The following PPA2 variants were observed in gnomAD, a reference collection of about 807,000 sequenced individuals.
PPA2 encodes the protein inorganic pyrophosphatase 2, also known as inorganic pyrophosphatase 2, mitochondrial.
Under a neutral mutation model 49.5 loss-of-function variants are expected in PPA2, and 48 were observed. The observed-to-expected ratio is 0.97, with a 90% CI of 0.77 to 1.23. The LOEUF (loss-of-function observed/expected upper bound fraction) is 1.23. PPA2 is among the 50% of genes most tolerant of loss of function. The pLI, the probability that PPA2 is intolerant of heterozygous loss-of-function variation, is 0.00. For synonymous variants in PPA2, 131 were observed against 139.9 expected, an observed-to-expected ratio of 0.94 and a Z score of 0.45; for missense variants, 429 against 410.1, an observed-to-expected ratio of 1.05 and a Z score of -0.40.
chr4:105,456,209 T>C, intron 2 of PPA2: 2 of 476,598 alleles, frequency 4.2e-6, no homozygotes, highest in Non-Finnish European at 8.3e-6. Context: ...ATAAGCTTTG[T>C]GGTCAGAAGC....
intron 6 of PPA2, among the ~76,000 whole-genome samples, chr4:105,437,278 G>A (rs918648062): frequency 9.2e-5 from 14 of 152,014 alleles, no homozygotes; most frequent in Non-Finnish European, 1.8e-4. Context: ...CAAAATTAAA[G>A]GTAAGATGTT....
At chr4:105,376,881 A>C (rs1454018395) in intron 10 of PPA2, among the ~76,000 whole-genome samples, 4 of 152,204 alleles carry the variant, frequency 2.6e-5, no homozygotes, top group African/African-American at 9.6e-5. Context: ...TTTTTCCAGT[A>C]AAATGACTAC....
At chr4:105,383,722 A>C (rs968008681) in intron 10 of PPA2, among the ~76,000 whole-genome samples, 1 of 152,200 alleles carries the variant, frequency 6.6e-6, no homozygotes, top group Non-Finnish European at 1.5e-5. Flanking sequence ...TCTACAGATA[A>C]GTCTCAAGAT....
chr4:105,373,649 A>G (rs967743832), intron 10 of PPA2, among the ~76,000 whole-genome samples: 1 of 152,110 alleles, frequency 6.6e-6, no homozygotes, highest in Non-Finnish European at 1.5e-5. Context: ...AACATTTATC[A>G]TTACATTTTA....
At chr4:105,406,548 A>C (rs1169438061) in intron 7 of PPA2, among the ~76,000 whole-genome samples, 1 of 152,200 alleles carries the variant, frequency 6.6e-6, no homozygotes, top group East Asian at 1.9e-4. Flanking sequence ...ATAAGGAGAA[A>C]ATCTTTAAAG....
At chr4:105,388,424 T>C (rs934459179) in intron 9 of PPA2, among the ~76,000 whole-genome samples, 4 of 152,038 alleles carry the variant, frequency 2.6e-5, no homozygotes, top group Non-Finnish European at 5.9e-5. Flanking sequence ...ATTTTAATTT[T>C]AAAAATTAAA....
chr4:105,440,069 C>T (rs927701761), intron 5 of PPA2, among the ~76,000 whole-genome samples: 3 of 151,964 alleles, frequency 2.0e-5, no homozygotes, highest in Admixed American at 6.6e-5. Context: ...AGAGGTTCCT[C>T]CTTGCTAATG....
chr4:105,460,046 A>G (rs77409994), intron 1 of PPA2, among the ~76,000 whole-genome samples: 5,006 of 152,326 alleles, frequency 0.033, 269 homozygotes, highest in African/African-American at 0.11. Context: ...ATTTTACTGT[A>G]GGTAATTTTA....
At chr4:105,402,745 A>G (rs927509425) in intron 7 of PPA2, among the ~76,000 whole-genome samples, 5 of 152,160 alleles carry the variant, frequency 3.3e-5, no homozygotes, top group Non-Finnish European at 7.4e-5. Context: ...ACATAGAGGA[A>G]AAAATGGAAG....
chr4:105,385,177 C>T (rs1361706705), intron 10 of PPA2, among the ~76,000 whole-genome samples: 1 of 152,170 alleles, frequency 6.6e-6, no homozygotes, highest in Non-Finnish European at 1.5e-5. Context: ...ACTCCCATCC[C>T]ACTTCTGGCA....
intron 7 of PPA2, among the ~76,000 whole-genome samples, chr4:105,409,301 C>G (rs937122058): frequency 6.6e-6 from 1 of 152,222 alleles, no homozygotes; most frequent in Non-Finnish European, 1.5e-5. Flanking sequence ...TCACTGCTAG[C>G]GCAGCAGTCT....
At chr4:105,412,783 A>G (rs1722822953) in intron 7 of PPA2, among the ~76,000 whole-genome samples, 1 of 152,254 alleles carries the variant, frequency 6.6e-6, no homozygotes, top group Admixed American at 6.5e-5. Flanking sequence ...CCACAATGAG[A>G]TATCATCTCA....
intron 7 of PPA2, among the ~76,000 whole-genome samples, chr4:105,409,112 G>A (rs913429840): frequency 6.6e-6 from 1 of 152,230 alleles, no homozygotes; most frequent in Non-Finnish European, 1.5e-5. Flanking sequence ...CCTCACCCGG[G>A]AAGCACAAGG....
At chr4:105,447,070 T>C (rs1401571511) in intron 4 of PPA2, among the ~76,000 whole-genome samples, 1 of 152,148 alleles carries the variant, frequency 6.6e-6, no homozygotes, top group African/African-American at 2.4e-5. Flanking sequence ...TTGCTGATGA[T>C]ATGATCTTAT....
intron 2 of PPA2, chr4:105,456,348 G>C: frequency 2.3e-6 from 1 of 431,600 alleles, no homozygotes; most frequent in Non-Finnish European, 4.5e-6. Context: ...TCACATAGTG[G>C]CTAGCAAATA....
At chr4:105,430,404 T>C (rs73836207) in intron 6 of PPA2, among the ~76,000 whole-genome samples, 2,102 of 152,350 alleles carry the variant, frequency 0.014, 48 homozygotes, top group African/African-American at 0.046. Flanking sequence ...TTAGCCTCTA[T>C]TAAGTACTCG....
chr4:105,396,301 G>A lies in PPA2; in HGVS notation c.817C>T (p.Gln273Ter). Residue 273 changes from glutamine (Q) to a stop codon, truncating the protein, a stop_gained, in exon 9 of 12, where the codon CAA (glutamine) becomes TAA (stop). Transcript: ENST00000341695. LOFTEE classifies it high-confidence loss of function. ...FALEVIKSTH[Q>*]CWKALLMKKC... is the part of the protein sequence containing the mutation. ...TTCATAAGCAATGCTTTCCAACATT[G>A]ATGAGTGGATTTAATAACTTCAAGA... The A allele has an allele frequency of 1.3e-6, 2 of 1,598,234 alleles. No homozygotes were observed. Among genetic ancestry groups the A allele is most frequent in the African/African-American group, 2.7e-5 (2 of 74,732 alleles).
At chr4:105,442,524 C>A (rs1724416956) in intron 5 of PPA2, among the ~76,000 whole-genome samples, 1 of 152,142 alleles carries the variant, frequency 6.6e-6, no homozygotes, top group Non-Finnish European at 1.5e-5. Flanking sequence ...TGAATCTAGT[C>A]TTTTAATATT....
In PPA2 at chr4:105,369,518, T is replaced by G. The variant is rs1321606547; in HGVS notation, c.*207A>C. On this transcript the variant is annotated 3_prime_UTR_variant, in exon 12 of 12. Coordinates refer to ENST00000341695, the MANE Select transcript of PPA2 (RefSeq NM_176869.3). The stretch of plus-strand genomic sequence containing the variant: ...AATTACAGGCATGAGCCACCGTGCC[T>G]GGCCAAAATCTTCTTTTTATATCAA... 3 of 527,032 alleles carry G rather than the reference T, an allele frequency of 5.7e-6. No individual in the cohort carries two copies. The highest frequency in any genetic ancestry group is 1.0e-5 in the Non-Finnish European group (3 of 300,048). The allele number at this position is 527,032 out of a possible 1,614,324, so 32.6% of individuals were successfully genotyped here.
Sources: allele counts gnomAD v4.1 joint callset (sites outside exome capture counted in the v4.1 genomes callset), GRCh38; gene constraint gnomAD v4.1.1; transcripts MANE v1.5; gene names NCBI Gene and HGNC (gene_info 2026-07-23, HGNC 2026-07-21).